The following CA10 variants were observed in gnomAD, a reference collection of about 807,000 sequenced individuals.
CA10 encodes the protein carbonic anhydrase 10 (inactive).
Under a neutral mutation model 44.2 loss-of-function variants are expected in CA10, and 14 were observed. That is an observed-to-expected ratio of 0.32 (90% confidence interval 0.21 to 0.50). CA10 has a LOEUF of 0.50. Ranked by LOEUF, CA10 falls within the 20% of genes least tolerant of loss-of-function variation. CA10 has a pLI of 0.99. For synonymous variants in CA10, 159 were observed against 141.6 expected, an observed-to-expected ratio of 1.12 and a Z score of -0.87; for missense variants, 350 against 409.7, an observed-to-expected ratio of 0.85 and a Z score of 1.26.
intron 3 of CA10, among the ~76,000 whole-genome samples, chr17:51,858,519 T>G (rs1217370609): frequency 6.6e-6 from 1 of 152,136 alleles, no homozygotes; most frequent in East Asian, 1.9e-4. Context: ...TTATACACAC[T>G]CCAAAAGGGG....
chr17:51,849,165 ATATATATATACATATATG>A (rs1978638519), intron 3 of CA10, among the ~76,000 whole-genome samples: 1 of 89,620 alleles, frequency 1.1e-5, no homozygotes, highest in African/African-American at 4.5e-5. Flanking sequence ...ACATATATGT[ATATATATATACATATATG>A]TATATATATA....
intron 3 of CA10, among the ~76,000 whole-genome samples, chr17:51,770,008 T>C (rs1174253240): frequency 6.6e-6 from 1 of 152,106 alleles, no homozygotes; most frequent in East Asian, 1.9e-4. Context: ...GGATCTGGTG[T>C]AGAAAGGCTA....
At chr17:51,868,057 A>AACACACACACAC (rs34631877) in intron 3 of CA10, among the ~76,000 whole-genome samples, 121 of 144,936 alleles carry the variant, frequency 8.3e-4, no homozygotes, top group East Asian at 1.9e-3. Flanking sequence ...AAGCAGGTGT[A>AACACACACACAC]ACACACACAC....
intron 3 of CA10, among the ~76,000 whole-genome samples, chr17:51,780,905 G>C (rs1450579960): frequency 6.6e-6 from 1 of 152,206 alleles, no homozygotes; most frequent in Non-Finnish European, 1.5e-5. Flanking sequence ...CTTCAACTCT[G>C]TTGTGGTAGC....
At chr17:51,848,330 G>A (rs1267895391) in intron 3 of CA10, among the ~76,000 whole-genome samples, 1 of 152,078 alleles carries the variant, frequency 6.6e-6, no homozygotes, top group African/African-American at 2.4e-5. Flanking sequence ...TTTTGCACCT[G>A]AGGCTTGTGC....
At chr17:52,142,604 C>G (rs564975811) in intron 1 of CA10, among the ~76,000 whole-genome samples, 2 of 152,106 alleles carry the variant, frequency 1.3e-5, no homozygotes, top group African/African-American at 4.8e-5. Context: ...TATAAAATTA[C>G]AGCAGACAAA....
chr17:52,137,803 T>C (rs1989391839), intron 1 of CA10, among the ~76,000 whole-genome samples: 1 of 152,204 alleles, frequency 6.6e-6, no homozygotes, highest in Non-Finnish European at 1.5e-5. Context: ...TTACCCAACC[T>C]AGCTTTAGGA....
intron 4 of CA10, among the ~76,000 whole-genome samples, chr17:51,684,193 G>A (rs1227091658): frequency 6.6e-6 from 1 of 152,208 alleles, no homozygotes; most frequent in African/African-American, 2.4e-5. Flanking sequence ...TGTGATGAGT[G>A]TGAGAAGGCG....
At chr17:51,767,722 C>T (rs376589507) in intron 3 of CA10, among the ~76,000 whole-genome samples, 1 of 150,942 alleles carries the variant, frequency 6.6e-6, no homozygotes, top group Non-Finnish European at 1.5e-5. Flanking sequence ...GTGGGAGCCC[C>T]GAGCTTTTTT....
At chr17:51,752,866 C>T (rs749882912) in intron 3 of CA10, among the ~76,000 whole-genome samples, 8 of 152,096 alleles carry the variant, frequency 5.3e-5, no homozygotes, top group Non-Finnish European at 7.3e-5. Context: ...GTTGCAGTGG[C>T]TGAGATCGCG....
intron 3 of CA10, among the ~76,000 whole-genome samples, chr17:51,771,170 A>G (rs867035443): frequency 2.0e-5 from 3 of 147,354 alleles, no homozygotes; most frequent in Non-Finnish European, 4.5e-5. Flanking sequence ...CTGTGAACCC[A>G]GAGTGAGAGC....
intron 3 of CA10, chr17:51,762,176 A>G (rs1480203712): frequency 6.6e-6 from 1 of 152,148 alleles, no homozygotes; most frequent in African/African-American, 2.4e-5. Flanking sequence ...TAAATAGGCC[A>G]CAGATCTGTA....
At chr17:52,020,031 T>C (rs975923508) in intron 2 of CA10, among the ~76,000 whole-genome samples, 18 of 152,038 alleles carry the variant, frequency 1.2e-4, no homozygotes, top group Non-Finnish European at 2.4e-4. Flanking sequence ...ATTGCTCTAT[T>C]CTTCACTTAG....
rs899572569 is a variant in CA10, at chr17:51,630,943, A to T, written c.*641T>A. 6.5e-6 allele frequency: 1 copy of T among 153,112 alleles called. No homozygotes were observed. Among genetic ancestry groups the T allele is most frequent in the Admixed American group, 6.5e-5 (1 of 15,316 alleles). The allele number at this position is 153,112 out of a possible 1,614,324, so 9.5% of individuals were successfully genotyped here. On this transcript the variant is annotated 3_prime_UTR_variant, in exon 9 of 9. Transcript: ENST00000451037. ...TTCCTTATAGTCTGTGGTGATATATATACAATGTGTAGCTCTTCAATGTCT... is the reference window on the plus strand; with the variant it reads ...TTCCTTATAGTCTGTGGTGATATATTTACAATGTGTAGCTCTTCAATGTCT...
At chr17:51,815,958 G>C (rs1567848852) in intron 3 of CA10, among the ~76,000 whole-genome samples, 1 of 152,054 alleles carries the variant, frequency 6.6e-6, no homozygotes, top group African/African-American at 2.4e-5. Flanking sequence ...TTATTTTAAT[G>C]TATACAATTA....
chr17:51,700,805 A>G (rs1307497882), intron 4 of CA10, among the ~76,000 whole-genome samples: 1 of 152,122 alleles, frequency 6.6e-6, no homozygotes, highest in Non-Finnish European at 1.5e-5. Flanking sequence ...TCCTTAGCAA[A>G]CTAACACAGG....
intron 2 of CA10, among the ~76,000 whole-genome samples, chr17:51,991,604 G>A (rs935537531): frequency 2.0e-5 from 3 of 152,206 alleles, no homozygotes; most frequent in Admixed American, 6.5e-5. Context: ...GAGGTCGGGA[G>A]TTTGAGACAA....
chr17:51,813,177 C>T (rs1373208357), intron 3 of CA10, among the ~76,000 whole-genome samples: 1 of 152,194 alleles, frequency 6.6e-6, no homozygotes, highest in African/African-American at 2.4e-5. Context: ...CTGAAGGAAG[C>T]AGCTTCCTCT....
At chr17:52,144,153 T>C (rs1442324039) in intron 1 of CA10, among the ~76,000 whole-genome samples, 1 of 152,138 alleles carries the variant, frequency 6.6e-6, no homozygotes, top group Non-Finnish European at 1.5e-5. Context: ...CACAAATTAG[T>C]GCTTGGGGAA....
Sources: gnomAD v4.1 joint callset for allele counts (sites outside exome capture counted in the v4.1 genomes callset) on GRCh38, gnomAD v4.1.1 for gene constraint, MANE v1.5 for transcripts, NCBI Gene and HGNC (gene_info 2026-07-23, HGNC 2026-07-21) for gene names.